The following CYP2J2 variants were observed in gnomAD, a reference collection of about 807,000 sequenced individuals.
CYP2J2 encodes cytochrome P450 family 2 subfamily J member 2, also known as cytochrome P450 2J2.
In CYP2J2, 41 loss-of-function variants were observed where a neutral mutation model predicts 48.8. That is an observed-to-expected ratio of 0.84 (90% CI 0.66 to 1.09). CYP2J2 has a LOEUF of 1.09. Among genes scored for constraint, CYP2J2 ranks in the 50% least tolerant of loss-of-function variants. CYP2J2 has a pLI of 0.00. For missense variants in CYP2J2, 644 were observed against 617.3 expected (o/e 1.04, Z -0.46); for synonymous variants, 221 against 227.1 (o/e 0.97, Z 0.24).
At chr1:59,934,131 C>T in the CYP2J2 span, among the ~76,000 whole-genome samples, 1 of 151,980 alleles carries the variant, frequency 6.6e-6, no homozygotes, top group Admixed American at 6.6e-5. Context: ...TACTACATAA[C>T]GGGGAAAGGA....
chr1:59,920,113 C>A (rs1574260537), intron 1 of CYP2J2, among the ~76,000 whole-genome samples: 1 of 151,682 alleles, frequency 6.6e-6, no homozygotes, highest in South Asian at 2.1e-4. Context: ...AGAAAAATAT[C>A]TTTTTAAAGA....
intron 1 of CYP2J2, among the ~76,000 whole-genome samples, chr1:59,923,834 C>G (rs1644538615): frequency 6.6e-6 from 1 of 151,910 alleles, no homozygotes; most frequent in Non-Finnish European, 1.5e-5. Flanking sequence ...ACATTTGTGC[C>G]ATCAGTATCC....
At chr1:59,903,786 G>T (rs776457811) in intron 7 of CYP2J2, among the ~76,000 whole-genome samples, 1 of 152,210 alleles carries the variant, frequency 6.6e-6, no homozygotes, top group African/African-American at 2.4e-5. Flanking sequence ...GTCCTGTGAA[G>T]GGAGCATGGT....
At chr1:59,894,172 T>C (rs978732274) in intron 8 of CYP2J2, among the ~76,000 whole-genome samples, 10 of 152,134 alleles carry the variant, frequency 6.6e-5, no homozygotes, top group Middle Eastern at 3.4e-3. Context: ...TTAACAAACG[T>C]GACAAAAAAA....
chr1:59,950,457 A>G, the CYP2J2 span, among the ~76,000 whole-genome samples: 20 of 152,250 alleles, frequency 1.3e-4, no homozygotes, highest in South Asian at 3.9e-3. Context: ...CCTCCCTGAC[A>G]TTTGCTTCCC....
At chr1:59,961,298 C>A in the CYP2J2 span, among the ~76,000 whole-genome samples, 1 of 152,018 alleles carries the variant, frequency 6.6e-6, no homozygotes, top group South Asian at 2.1e-4. Flanking sequence ...AGGCAAATAA[C>A]ACAATTAAAA....
chr1:59,906,833 GA>G (rs1055553040), intron 6 of CYP2J2, among the ~76,000 whole-genome samples: 2 of 152,100 alleles, frequency 1.3e-5, no homozygotes, highest in African/African-American at 2.4e-5. Flanking sequence ...AACTACAGAT[GA>G]AAAAAATAAA....
chr1:59,918,647 T>C (rs1260487020), intron 1 of CYP2J2, among the ~76,000 whole-genome samples: 1 of 151,600 alleles, frequency 6.6e-6, no homozygotes, highest in Non-Finnish European at 1.5e-5. Context: ...CACTTTTCAA[T>C]TGTATATCAT....
At chr1:59,911,576 T>C (rs750900898) in intron 4 of CYP2J2, 32 bp downstream of exon 4, 3 of 1,466,382 alleles carry the variant, frequency 2.0e-6, no homozygotes, top group South Asian at 1.5e-5. Flanking sequence ...CCCAATTTAC[T>C]GAACAAAGAT....
chr1:59,937,389 C>G, the CYP2J2 span, among the ~76,000 whole-genome samples: 1 of 151,258 alleles, frequency 6.6e-6, no homozygotes. Context: ...AGCTAGCAGC[C>G]ATGTGTCTAT....
chr1:59,918,104 T>C (rs1319607451), intron 1 of CYP2J2, among the ~76,000 whole-genome samples: 1 of 152,154 alleles, frequency 6.6e-6, no homozygotes, highest in Non-Finnish European at 1.5e-5. Context: ...AGAGCTGAGA[T>C]TCAATCTCAA....
the CYP2J2 span, among the ~76,000 whole-genome samples, chr1:59,962,935 G>A: frequency 6.6e-6 from 1 of 152,164 alleles, no homozygotes; most frequent in African/African-American, 2.4e-5. Context: ...TTCTCAACAA[G>A]CTGACTCCAT....
chr1:59,955,781 G>C, the CYP2J2 span, among the ~76,000 whole-genome samples: 22 of 152,216 alleles, frequency 1.4e-4, no homozygotes, highest in South Asian at 4.4e-3. Context: ...GAAGGGGGTT[G>C]GCTGTATTCT....
intron 1 of CYP2J2, among the ~76,000 whole-genome samples, chr1:59,918,294 G>A (rs1385981543): frequency 2.6e-5 from 4 of 152,088 alleles, no homozygotes; most frequent in Non-Finnish European, 4.4e-5. Flanking sequence ...TGGAAGAGCT[G>A]AAAAATCTCA....
At chr1:59,967,096 A>C in the CYP2J2 span, among the ~76,000 whole-genome samples, 1 of 152,138 alleles carries the variant, frequency 6.6e-6, no homozygotes, top group East Asian at 1.9e-4. Context: ...GCCTTTGAGC[A>C]GATGTAGTTT....
chr1:59,928,588 A>G (rs914767390), upstream of CYP2J2, among the ~76,000 whole-genome samples: 3 of 152,294 alleles, frequency 2.0e-5, no homozygotes, highest in Non-Finnish European at 4.4e-5. Context: ...CCAGAATGTC[A>G]TGTTGCAGAA....
the CYP2J2 span, among the ~76,000 whole-genome samples, chr1:59,954,958 A>G: frequency 6.6e-6 from 1 of 151,736 alleles, no homozygotes; most frequent in African/African-American, 2.4e-5. Flanking sequence ...GCAACATGGC[A>G]CAACCCCTTC....
At chr1:59,958,942 AAT>A in the CYP2J2 span, among the ~76,000 whole-genome samples, 1 of 152,168 alleles carries the variant, frequency 6.6e-6, no homozygotes, top group African/African-American at 2.4e-5. Flanking sequence ...ATGCTCCTGC[AAT>A]TCATTCACTT....
chr1:59,904,875 G>C lies in CYP2J2; in HGVS notation c.1187C>G (p.Pro396Arg), dbSNP rs1320970119. 6 of 1,612,636 alleles carry C rather than the reference G, an allele frequency of 3.7e-6. No homozygotes were observed. The highest frequency in any genetic ancestry group is 5.1e-6 in the Non-Finnish European group (6 of 1,179,546). The change falls in exon 7 of 9, where the codon CCC becomes CGC. Residue 396 changes from proline to arginine, a missense_variant. Pro to Arg is a moderately radical substitution (Grantham distance 103). Coordinates refer to ENST00000371204, the MANE Select transcript of CYP2J2 (RefSeq NM_000775.4). ...CTTGAAGATCTGCTTAATTACCTTG[G>C]GCAGGTGGTACCCAGCCAAAGTGGT... ...VDTTLAGYHLPKGTMILTNLT... is the reference protein window; with the variant it reads ...VDTTLAGYHLRKGTMILTNLT...
Sources: gnomAD v4.1 joint callset for allele counts (sites outside exome capture counted in the v4.1 genomes callset) on GRCh38, gnomAD v4.1.1 for gene constraint, MANE v1.5 for transcripts, NCBI Gene and HGNC (gene_info 2026-07-23, HGNC 2026-07-21) for gene names.